Variants in DENND11 observed in about 807,000 individuals in gnomAD.
DENND11 encodes DENN domain containing 11, also known as DENN domain-containing protein 11.
A neutral mutation model predicts 49.2 loss-of-function variants in DENND11; 34 were observed. The ratio of observed to expected loss-of-function variants is 0.69; its 90% CI spans 0.53 to 0.92. DENND11 has a LOEUF of 0.92. Ranked by LOEUF, DENND11 falls within the 40% of genes least tolerant of loss-of-function variation. The probability of loss-of-function intolerance (pLI) is 0.00; values close to 1 mark genes in which losing one functional copy is unlikely to be tolerated. For missense variants in DENND11, 475 were observed against 581.6 expected, an observed-to-expected ratio of 0.82 and a Z score of 1.88; for synonymous variants, 238 against 230.3, an observed-to-expected ratio of 1.03 and a Z score of -0.30.
At chr7:141,685,027 AAAATAT>A (rs1477256431) in intron 3 of DENND11, among the ~76,000 whole-genome samples, 29 of 98,032 alleles carry the variant, frequency 3.0e-4, no homozygotes, top group African/African-American at 9.7e-4. Context: ...AAAAAAAAAA[AAAATAT>A]ATATATATAT....
chr7:141,663,366 G>A (rs1797835041), intron 8 of DENND11: 1 of 152,566 alleles, frequency 6.6e-6, no homozygotes, highest in African/African-American at 2.4e-5. Flanking sequence ...GTTCAGGACA[G>A]GGTTCACTGC....
At position 141,670,690 on chromosome 7, in the gene DENND11, A is replaced by G. The variant is rs537888945; in HGVS notation, c.681+3377T>C. ...ACTGAATGTGAATTGCTTCCGCACCATCATAAGGTCGAAAAATCATACATT... is the reference window on the plus strand; with the variant it reads ...ACTGAATGTGAATTGCTTCCGCACCGTCATAAGGTCGAAAAATCATACATT... On this transcript the variant is annotated intron_variant, in intron 4 of 8. Coordinates refer to ENST00000536163, the MANE Select transcript of DENND11 (RefSeq NM_001080392.2). Among the ~76,000 whole-genome samples, 6 of 152,362 alleles carry G rather than the reference A, an allele frequency of 3.9e-5. No homozygotes were observed. The South Asian group carries it at 1.2e-3, about 32-fold the overall frequency.
At position 141,670,737 on chromosome 7, in the gene DENND11, A is replaced by G. The variant is rs78668015; in HGVS notation, c.681+3330T>C. On this transcript the variant is annotated intron_variant, in intron 4 of 8. Coordinates refer to ENST00000536163, the MANE Select transcript of DENND11 (RefSeq NM_001080392.2). ...CATTAAGTGGACCCGTCGTAAGTCA[A>G]GGACTGTTGGCTGGGTTGCCAGCAT... Among the ~76,000 whole-genome samples the G allele has an allele frequency of 4.0e-3, 608 of 152,368 alleles. 4 individuals are homozygous for G. Among genetic ancestry groups the G allele is most frequent in the African/African-American group, 0.014 (565 of 41,594 alleles).
chr7:141,685,674 G>T, intron 2 of DENND11, 38 bp from the exon 3 acceptor site: 1 of 1,606,346 alleles, frequency 6.2e-7, no homozygotes. Context: ...CTCAAGATCA[G>T]AGAGGAATTT....
intron 3 of DENND11, among the ~76,000 whole-genome samples, chr7:141,675,406 T>C (rs918840641): frequency 2.0e-5 from 3 of 152,192 alleles, no homozygotes; most frequent in Non-Finnish European, 2.9e-5. Context: ...CACTTTGTTA[T>C]GCAGCCCCGG....
intron 3 of DENND11, among the ~76,000 whole-genome samples, chr7:141,678,583 T>A (rs78778417): frequency 0.011 from 1,613 of 152,330 alleles, 27 homozygotes; most frequent in African/African-American, 0.037. Context: ...GTTATATCTA[T>A]ACCCTATACC....
chr7:141,682,638 T>C (rs941428290), intron 3 of DENND11, among the ~76,000 whole-genome samples: 2 of 152,142 alleles, frequency 1.3e-5, no homozygotes, highest in African/African-American at 4.8e-5. Flanking sequence ...TAACAAGAGA[T>C]GAATGTGGGT....
At chr7:141,688,423 C>T (rs993247937) in intron 1 of DENND11, among the ~76,000 whole-genome samples, 3 of 152,208 alleles carry the variant, frequency 2.0e-5, no homozygotes, top group African/African-American at 7.2e-5. Flanking sequence ...ATCTCACACT[C>T]AACAGCCCAA....
chr7:141,685,058 A>ATTTT (rs1248312396), intron 3 of DENND11, among the ~76,000 whole-genome samples: 11 of 128,880 alleles, frequency 8.5e-5, no homozygotes, highest in South Asian at 2.7e-4. Flanking sequence ...ATATATATAT[A>ATTTT]TTTTTAAGTT....
intron 1 of DENND11, among the ~76,000 whole-genome samples, chr7:141,693,666 A>G (rs1348433010): frequency 6.6e-6 from 1 of 152,244 alleles, no homozygotes; most frequent in Non-Finnish European, 1.5e-5. Context: ...AGCAATACAG[A>G]AAAATGAGCT....
chr7:141,694,978 G>C (rs1373624695), intron 1 of DENND11, among the ~76,000 whole-genome samples: 1 of 152,088 alleles, frequency 6.6e-6, no homozygotes, highest in Admixed American at 6.6e-5. Context: ...CTCACCTCCA[G>C]ATACAAACAC....
Position 141,658,729 on chromosome 7 carries a change from C to T in DENND11, c.*3927G>A, listed in dbSNP as rs184545388. 4.6e-5 allele frequency: 7 copies of T among 152,210 alleles called. No individual in the cohort carries two copies. The highest frequency in any genetic ancestry group is 3.9e-4 in the Admixed American group (6 of 15,278). 9.4% of individuals were successfully genotyped at this position (152,210 alleles called of 1,614,324 possible). A position where few individuals can be genotyped will look rare whatever the true frequency, so the allele number is the denominator to read the frequency against. ...TGGAGAAAGCATCTCAATCCATTCCCTGGGCTATACAGTTTCGAAGGGAAA... is the reference window on the plus strand; with the variant it reads ...TGGAGAAAGCATCTCAATCCATTCCTTGGGCTATACAGTTTCGAAGGGAAA... On this transcript the variant is annotated 3_prime_UTR_variant, in exon 9 of 9. Transcript: ENST00000536163.
chr7:141,687,631 ATTT>A (rs36080710), intron 1 of DENND11, among the ~76,000 whole-genome samples: 3 of 112,788 alleles, frequency 2.7e-5, no homozygotes, highest in Admixed American at 1.1e-4. Flanking sequence ...CACTCGGCTA[ATTT>A]TTTTTTTTTT....
At chr7:141,679,626 C>A (rs1419068764) in intron 3 of DENND11, among the ~76,000 whole-genome samples, 1 of 151,482 alleles carries the variant, frequency 6.6e-6, no homozygotes, top group African/African-American at 2.4e-5. Context: ...GCAGGAGAAT[C>A]GCTTGAACCT....
chr7:141,691,900 T>A (rs1798332507), intron 1 of DENND11, among the ~76,000 whole-genome samples: 1 of 152,008 alleles, frequency 6.6e-6, no homozygotes, highest in Non-Finnish European at 1.5e-5. Flanking sequence ...CAGGACAGAA[T>A]GGGTATTTAA....
At chr7:141,667,849 C>A (rs551159791) in intron 4 of DENND11, among the ~76,000 whole-genome samples, 42 of 152,310 alleles carry the variant, frequency 2.8e-4, no homozygotes, top group African/African-American at 9.9e-4. Context: ...CATTCCCCTA[C>A]CCCATGCCAG....
intron 3 of DENND11, among the ~76,000 whole-genome samples, chr7:141,685,056 A>T (rs867495574): frequency 5.9e-4 from 80 of 135,044 alleles, no homozygotes; most frequent in Middle Eastern, 7.7e-3. Context: ...ATATATATAT[A>T]TATTTTTAAG....
Position 141,661,414 on chromosome 7 carries a change from G to A in DENND11, c.*1242C>T, listed in dbSNP as rs1258060384. 2.6e-5 allele frequency: 4 copies of A among 152,200 alleles called. No homozygotes were observed. The highest frequency in any genetic ancestry group is 9.7e-5 in the African/African-American group (4 of 41,422). The allele number at this position is 152,200 out of a possible 1,614,324, so 9.4% of individuals were successfully genotyped here. On this transcript the variant is annotated 3_prime_UTR_variant, in exon 9 of 9. Transcript: ENST00000536163. ...TGGCAACAGGACCCAGCCTAGAGCA[G>A]AGCACTTCAGAAGAGGATGGATAAA...
chr7:141,666,959 C>G, intron 4 of DENND11, among the ~76,000 whole-genome samples: 1 of 152,160 alleles, frequency 6.6e-6, no homozygotes, highest in East Asian at 1.9e-4. Context: ...CTGACTCACT[C>G]TGTCACCCAG....
Sources: gnomAD v4.1 joint callset for allele counts (sites outside exome capture counted in the v4.1 genomes callset) on GRCh38, gnomAD v4.1.1 for gene constraint, MANE v1.5 for transcripts, NCBI Gene and HGNC (gene_info 2026-07-23, HGNC 2026-07-21) for gene names.